C4orf51: variants seen among roughly 807,000 people sequenced by gnomAD.
C4orf51 encodes uncharacterized protein C4orf51.
Under a neutral mutation model 25.2 loss-of-function variants are expected in C4orf51, and 25 were observed. The ratio of observed to expected loss-of-function variants is 0.99; its 90% CI spans 0.72 to 1.39. The LOEUF (loss-of-function observed/expected upper bound fraction) is 1.39, where lower values mean the gene tolerates loss of function less well. Among genes scored for constraint, C4orf51 ranks in the 40% most tolerant of loss-of-function variants. C4orf51 has a pLI of 0.00. For synonymous variants in C4orf51, 100 were observed against 84.5 expected (o/e 1.18, Z -1.01); for missense variants, 252 against 239.6 (o/e 1.05, Z -0.34).
At chr4:145,738,699 G>C (rs1363096923) in intron 1 of C4orf51, among the ~76,000 whole-genome samples, 2 of 151,852 alleles carry the variant, frequency 1.3e-5, no homozygotes, top group Non-Finnish European at 2.9e-5. Flanking sequence ...GAGTGCAGTG[G>C]TATGATCTCA....
downstream of C4orf51, among the ~76,000 whole-genome samples, chr4:145,735,226 A>G (rs1353275305): frequency 6.6e-6 from 1 of 152,162 alleles, no homozygotes; most frequent in Non-Finnish European, 1.5e-5. Flanking sequence ...TCCTGAGTGC[A>G]TGGAGCACAG....
downstream of C4orf51, among the ~76,000 whole-genome samples, chr4:145,737,479 A>T (rs942327069): frequency 1.4e-4 from 21 of 152,230 alleles, no homozygotes; most frequent in African/African-American, 4.8e-4. Flanking sequence ...TTTACTGCTT[A>T]TAGCCCATCA....
intron 2 of C4orf51, among the ~76,000 whole-genome samples, chr4:145,710,325 C>T (rs1290935041): frequency 3.3e-5 from 5 of 152,150 alleles, no homozygotes; most frequent in Admixed American, 2.0e-4. Context: ...TGGAAGAGGG[C>T]CAACAGGTGA....
At chr4:145,720,557 A>G (rs1285286005) in intron 2 of C4orf51, among the ~76,000 whole-genome samples, 2 of 151,912 alleles carry the variant, frequency 1.3e-5, no homozygotes, top group Non-Finnish European at 2.9e-5. Flanking sequence ...CCCACCACAT[A>G]TTCCCCGGGA....
At chr4:145,791,135 C>T in the C4orf51 span, among the ~76,000 whole-genome samples, 4 of 152,176 alleles carry the variant, frequency 2.6e-5, no homozygotes, top group Non-Finnish European at 5.9e-5. Context: ...GGCTTATAAA[C>T]CACAGAAATG....
intron 1 of C4orf51, among the ~76,000 whole-genome samples, chr4:145,738,508 T>C (rs978938538): frequency 3.9e-5 from 6 of 152,104 alleles, no homozygotes; most frequent in African/African-American, 1.4e-4. Flanking sequence ...CTTTGGTGTT[T>C]TATGAAGAAA....
In C4orf51 at chr4:145,765,788, G is replaced by A. The variant is rs949029459; in HGVS notation, n.167-5200G>A. 1 of 1,569,150 alleles carries A rather than the reference G, an allele frequency of 6.4e-7. No homozygotes were observed. Among genetic ancestry groups the A allele is most frequent in the Admixed American group, 1.8e-5 (1 of 56,840 alleles). ...TCTGTTAATGAGATGAAAATCCTCAGAATTATAGCAACTGAGGGTGACGAG... is the reference window on the plus strand; with the variant it reads ...TCTGTTAATGAGATGAAAATCCTCAAAATTATAGCAACTGAGGGTGACGAG... On this transcript the variant is annotated intron_variant and non_coding_transcript_variant, in intron 1 of 1. Transcript: ENST00000510096. This position sits in a 1 kb window ranked among gnomAD's most constrained non-coding sequence, Gnocchi z 4.7.
chr4:145,772,135 A>G (rs76347889), downstream of C4orf51, among the ~76,000 whole-genome samples: 7,229 of 152,286 alleles, frequency 0.047, 559 homozygotes, highest in African/African-American at 0.16. Flanking sequence ...CAAGGGCCAC[A>G]TCTGAATAGT....
Position 145,761,645 on chromosome 4 carries a change from A to G in C4orf51, n.167-9343A>G. 1 of 1,151,884 alleles carries G rather than the reference A, an allele frequency of 8.7e-7. No homozygotes were observed. The highest frequency in any genetic ancestry group is 1.1e-6 in the Non-Finnish European group (1 of 886,834). The allele number at this position is 1,151,884 out of a possible 1,614,324, so 71.4% of individuals were successfully genotyped here. On this transcript the variant is annotated intron_variant and non_coding_transcript_variant, in intron 1 of 1. Transcript: ENST00000510096. This position sits in a 1 kb window ranked among gnomAD's most constrained non-coding sequence, Gnocchi z 6.8. ...GGGAGGTTCAGCCGGGAAGGTTCGGAGGCAGCCGCGCTTCTCGCCGCCTCA... is the reference window on the plus strand; with the variant it reads ...GGGAGGTTCAGCCGGGAAGGTTCGGGGGCAGCCGCGCTTCTCGCCGCCTCA...
At position 145,732,659 on chromosome 4, in the gene C4orf51, C is replaced by G. The variant is rs1215173222; in HGVS notation, c.*99C>G. The stretch of plus-strand genomic sequence containing the variant: ...CAACACCCTCCCCCCACCCGCCCCG[C>G]CCAGGAACGTCTGGACCCTGGCAGG... On this transcript the variant is annotated 3_prime_UTR_variant, in exon 6 of 6. Transcript: ENST00000438731. 6 of 723,940 alleles carry G rather than the reference C, an allele frequency of 8.3e-6. No individual in the cohort carries two copies. 44.8% of individuals were successfully genotyped at this position (723,940 alleles called of 1,614,324 possible).
rs1384265221 is a variant in C4orf51, at chr4:145,761,692, C to G, written n.167-9296C>G. 1.3e-6 allele frequency: 1 copy of G among 786,116 alleles called. No homozygotes were observed. Among genetic ancestry groups the G allele is most frequent in the African/African-American group, 1.8e-5 (1 of 55,074 alleles). The allele number at this position is 786,116 out of a possible 1,614,324, so 48.7% of individuals were successfully genotyped here. A position where few individuals can be genotyped will look rare whatever the true frequency, so the allele number is the denominator to read the frequency against. ...CTCACCAGCCTTCCCTCACACCACC[C>G]CCCAGTGTCTGAGGCCTGGCCTGCC... is the stretch of plus-strand genomic sequence containing the variant. On this transcript the variant is annotated intron_variant and non_coding_transcript_variant, in intron 1 of 1. Transcript: ENST00000510096. This position sits in a 1 kb window ranked among gnomAD's most constrained non-coding sequence, Gnocchi z 6.8.
chr4:145,765,420 G>T lies in C4orf51; in HGVS notation n.167-5568G>T. 1 of 1,189,528 alleles carries T rather than the reference G, an allele frequency of 8.4e-7. No homozygotes were observed. The highest frequency in any genetic ancestry group is 1.2e-6 in the Non-Finnish European group (1 of 861,664). 73.7% of individuals were successfully genotyped at this position (1,189,528 alleles called of 1,614,324 possible). A position where few individuals can be genotyped will look rare whatever the true frequency, so the allele number is the denominator to read the frequency against. On this transcript the variant is annotated intron_variant and non_coding_transcript_variant, in intron 1 of 1. Transcript: ENST00000510096. This position sits in a 1 kb window ranked among gnomAD's most constrained non-coding sequence, Gnocchi z 4.7. ...CAAAAGAAATACAACCTTTAGGTGA[G>T]GCCCAGCATACTGCATCCTGGGCCT...
intron 2 of C4orf51, among the ~76,000 whole-genome samples, chr4:145,702,448 T>G (rs1296752633): frequency 6.6e-6 from 1 of 152,180 alleles, no homozygotes; most frequent in Non-Finnish European, 1.5e-5. Flanking sequence ...TGGGCTGTAC[T>G]GCCGCAAGGC....
rs58754234 is a variant in C4orf51, at chr4:145,738,459, C to CAT, written n.167+5858_167+5859dup. ...AGCGAGACTCTATCTCGAAAAAAAA[C>CAT]ATATATATATATATATATAGACACA... is the stretch of plus-strand genomic sequence containing the variant. On this transcript the variant is annotated intron_variant and non_coding_transcript_variant, in intron 1 of 1. Coordinates refer to the C4orf51 transcript ENST00000508981. Among the ~76,000 whole-genome samples the CAT allele has an allele frequency of 3.4e-3, 493 of 146,678 alleles. 1 individual carries two copies. The highest frequency in any genetic ancestry group is 7.0e-3 in the Middle Eastern group (2 of 286).
intron 2 of C4orf51, among the ~76,000 whole-genome samples, chr4:145,712,643 A>G (rs1037002766): frequency 2.6e-5 from 4 of 152,264 alleles, no homozygotes; most frequent in African/African-American, 4.8e-5. Flanking sequence ...TCTCCATTAC[A>G]TAAAAGTGCA....
intron 1 of C4orf51, chr4:145,760,849 G>A (rs1170381383): frequency 8.3e-7 from 1 of 1,210,372 alleles, no homozygotes; most frequent in Non-Finnish European, 1.1e-6. Flanking sequence ...GGGGATGCTG[G>A]GAGGCGCAGT....
chr4:145,775,463 C>T (rs909006192), downstream of C4orf51, among the ~76,000 whole-genome samples: 1 of 151,540 alleles, frequency 6.6e-6, no homozygotes, highest in African/African-American at 2.4e-5. Flanking sequence ...GGAGCAGCAA[C>T]ACACTCAGTT....
At chr4:145,709,867 G>A (rs773336644) in intron 2 of C4orf51, among the ~76,000 whole-genome samples, 8 of 152,160 alleles carry the variant, frequency 5.3e-5, no homozygotes, top group Non-Finnish European at 1.2e-4. Context: ...GCCAGGGTGA[G>A]CTGAGAGATC....
At chr4:145,692,328 T>C (rs1195517317) in intron 1 of C4orf51, among the ~76,000 whole-genome samples, 1 of 152,216 alleles carries the variant, frequency 6.6e-6, no homozygotes, top group Non-Finnish European at 1.5e-5. Context: ...GCTGTATAAT[T>C]CTGTTTATAT....
Sources: allele counts gnomAD v4.1 joint callset (sites outside exome capture counted in the v4.1 genomes callset), GRCh38; gene constraint gnomAD v4.1.1; non-coding constraint Gnocchi (gnomAD v3.1); transcripts MANE v1.5; gene names NCBI Gene and HGNC (gene_info 2026-07-23, HGNC 2026-07-21).